Variants in SLC25A10 observed in about 807,000 individuals in gnomAD.
SLC25A10 encodes the protein solute carrier family 25 member 10, also known as mitochondrial dicarboxylate carrier.
Under a neutral mutation model 40.4 loss-of-function variants are expected in SLC25A10, and 32 were observed. That is an observed-to-expected ratio of 0.79 (90% CI 0.60 to 1.06). The LOEUF is 1.06. Ranked by LOEUF, SLC25A10 falls within the 50% of genes least tolerant of loss-of-function variation. The pLI is 0.00. For synonymous variants in SLC25A10, 181 were observed against 171.1 expected, an observed-to-expected ratio of 1.06 and a Z score of -0.45; for missense variants, 394 against 402.6, an observed-to-expected ratio of 0.98 and a Z score of 0.18.
intron 9 of SLC25A10, among the ~76,000 whole-genome samples, 180 bp from the exon 10 acceptor site, chr17:81,719,651 G>A (rs2037552361): frequency 6.6e-6 from 1 of 152,202 alleles, no homozygotes; most frequent in Non-Finnish European, 1.5e-5. Context: ...CCTGGCTGGT[G>A]CCTGCAGACC....
intron 9 of SLC25A10, 61 bp downstream of exon 9, chr17:81,717,922 C>CG: frequency 7.5e-7 from 1 of 1,331,628 alleles, no homozygotes; most frequent in Non-Finnish European, 1.1e-6. Flanking sequence ...CTCACCTCTC[C>CG]GGGGGGTGGA....
At chr17:81,719,184 C>T (rs926913109) in intron 9 of SLC25A10, among the ~76,000 whole-genome samples, 15 of 151,562 alleles carry the variant, frequency 9.9e-5, no homozygotes, top group East Asian at 2.0e-4. Flanking sequence ...CCGCTTGCCT[C>T]GGCCTCCCAA....
Position 81,712,351 on chromosome 17 carries a change from GGCGCTGCGGCCGGTAC to G in SLC25A10, c.-75_-60del. 1 of 990,886 alleles carries G rather than the reference GGCGCTGCGGCCGGTAC, an allele frequency of 1.0e-6. No individual in the cohort carries two copies. Among genetic ancestry groups the G allele is most frequent in the Non-Finnish European group, 1.3e-6 (1 of 779,258 alleles). 61.4% of individuals were successfully genotyped at this position (990,886 alleles called of 1,614,324 possible). On this transcript the variant is annotated 5_prime_UTR_variant, in exon 1 of 11. Transcript: ENST00000350690. ...ACCGGGCGCGGGGCGCGGGGCGCGG[GGCGCTGCGGCCGGTAC>G]ACGCCGGGGTAGGGCCGGGGTCGGG...
chr17:81,716,718 G>A lies in SLC25A10; in HGVS notation c.420-94G>A, dbSNP rs550313327. On this transcript the variant is annotated intron_variant, in intron 5 of 10. Transcript: ENST00000350690. ...AGGCCCATGAGGCCTCTGCTTCCTCGAGAACCCCCGGCCTGCCTCGGGGCC... is the reference window on the plus strand; with the variant it reads ...AGGCCCATGAGGCCTCTGCTTCCTCAAGAACCCCCGGCCTGCCTCGGGGCC... The A allele has an allele frequency of 8.8e-5, 118 of 1,348,146 alleles. No individual in the cohort carries two copies. The African/African-American group carries it at 1.2e-3, about 14-fold the overall frequency. The allele number at this position is 1,348,146 out of a possible 1,614,324, so 83.5% of individuals were successfully genotyped here. A position where few individuals can be genotyped will look rare whatever the true frequency, so the allele number is the denominator to read the frequency against.
At chr17:81,716,548 G>A (rs559182777) in intron 5 of SLC25A10, 99 of 575,522 alleles carry the variant, frequency 1.7e-4, no homozygotes, top group African/African-American at 1.1e-3. Context: ...GGGGGCTGGC[G>A]GGCAGGAGGC....
chr17:81,716,724 C>T, intron 5 of SLC25A10, 88 bp from the exon 6 acceptor site: 3 of 1,402,140 alleles, frequency 2.1e-6, no homozygotes, highest in Non-Finnish European at 3.0e-6. Flanking sequence ...CCTCGAGAAC[C>T]CCCGGCCTGC....
At chr17:81,717,326 C>T in intron 7 of SLC25A10, 73 bp from the exon 8 acceptor site, 6 of 1,454,096 alleles carry the variant, frequency 4.1e-6, no homozygotes, top group South Asian at 2.3e-5. Context: ...CAGGTGGTGT[C>T]GCCTGGGGCC....
rs563802741 is a variant in SLC25A10, at chr17:81,714,993, C to T, written c.134C>T (p.Thr45Met). Reference protein sequence around the residue: ...QTQQEVKLRMTGMALRVVRTD... With the variant: ...QTQQEVKLRMMGMALRVVRTD... ...CAGCAGGAGGTGAAGCTGCGCATGA[C>T]GGGCATGGCGCTGCGGGTGGTGCGT... The change falls in exon 2 of 11, where the codon ACG (threonine) becomes ATG (methionine). Residue 45 changes from threonine to methionine, a missense_variant. Coordinates refer to ENST00000350690, the MANE Select transcript of SLC25A10 (RefSeq NM_012140.5). 48 of 1,609,770 alleles carry T rather than the reference C, an allele frequency of 3.0e-5. No homozygotes were observed. Among genetic ancestry groups the T allele is most frequent in the African/African-American group, 5.3e-5 (4 of 75,016 alleles).
At chr17:81,717,559 G>A (rs2037512706) in intron 8 of SLC25A10, 68 bp downstream of exon 8, 1 of 1,561,464 alleles carries the variant, frequency 6.4e-7, no homozygotes, top group Non-Finnish European at 8.8e-7. Context: ...CACCCAGGAT[G>A]GGGCGAGGGC....
At chr17:81,716,725 C>G (rs1568230625) in intron 5 of SLC25A10, 87 bp from the exon 6 acceptor site, 6 of 1,410,772 alleles carry the variant, frequency 4.3e-6, no homozygotes, top group Non-Finnish European at 5.9e-6. Context: ...CTCGAGAACC[C>G]CCGGCCTGCC....
At position 81,715,388 on chromosome 17, in the gene SLC25A10, G is replaced by A. The variant is rs149357809; in HGVS notation, c.214-90G>A. ...CCCCTCAGGGTCCCTGTGGCCCCTC[G>A]GGCTGAGGGGGATCCCTGGCTGGGC... On this transcript the variant is annotated intron_variant, in intron 2 of 10. Coordinates refer to ENST00000350690, the MANE Select transcript of SLC25A10 (RefSeq NM_012140.5). 1,731 of 1,173,080 alleles carry A rather than the reference G, an allele frequency of 1.5e-3. 14 individuals carry two copies. In the African/African-American group the frequency reaches 0.02, roughly 13 times the overall value. 72.7% of individuals were successfully genotyped at this position (1,173,080 alleles called of 1,614,324 possible).
At chr17:81,719,698 CA>C in intron 9 of SLC25A10, 132 bp from the exon 10 acceptor site, 7 of 796,012 alleles carry the variant, frequency 8.8e-6, no homozygotes, top group Non-Finnish European at 4.0e-6. Flanking sequence ...CCGCCGCTCA[CA>C]CCCACACCCA....
chr17:81,712,322 T>G lies in SLC25A10; in HGVS notation c.-105T>G. 2.6e-6 allele frequency: 2 copies of G among 778,018 alleles called. No individual in the cohort carries two copies. The highest frequency in any genetic ancestry group is 1.7e-6 in the Non-Finnish European group (1 of 598,408). The allele number at this position is 778,018 out of a possible 1,614,324, so 48.2% of individuals were successfully genotyped here. A position where few individuals can be genotyped will look rare whatever the true frequency, so the allele number is the denominator to read the frequency against. ...GGGGTGCGGGCGCGCGGGCGGCGCT[T>G]TGAACCGGGCGCGGGGCGCGGGGCG... On this transcript the variant is annotated 5_prime_UTR_variant, in exon 1 of 11. Transcript: ENST00000350690.
chr17:81,719,121 CAG>C (rs1481254758), intron 9 of SLC25A10, among the ~76,000 whole-genome samples: 4 of 151,240 alleles, frequency 2.6e-5, no homozygotes, highest in African/African-American at 9.7e-5. Context: ...TTAGTAGAGA[CAG>C]GGTTTCACCA....
At position 81,714,958 on chromosome 17, in the gene SLC25A10, T is replaced by C. The variant is rs2037453866; in HGVS notation, c.99T>C (p.His33=). ...CTHPLDLLKV[H]LQTQQEVKLR... ...GAGAGCACTCACTCCCGCAGGTGCA[T>C]CTGCAGACGCAGCAGGAGGTGAAGC... The change falls in exon 2 of 11, where the codon CAT becomes CAC. Residue 33 remains histidine (H), a synonymous_variant. Coordinates refer to ENST00000350690, the MANE Select transcript of SLC25A10 (RefSeq NM_012140.5). The C allele has an allele frequency of 1.2e-6, 2 of 1,608,118 alleles. No individual in the cohort carries two copies. Among genetic ancestry groups the C allele is most frequent in the Non-Finnish European group, 1.7e-6 (2 of 1,179,876 alleles).
At chr17:81,718,842 A>G (rs1231459720) in intron 9 of SLC25A10, among the ~76,000 whole-genome samples, 16 of 142,454 alleles carry the variant, frequency 1.1e-4, no homozygotes, top group East Asian at 4.6e-4. Flanking sequence ...CCAGCTACTC[A>G]GGAGGCTGAG....
chr17:81,717,443 G>T lies in SLC25A10; in HGVS notation c.579G>T (p.Gly193=), dbSNP rs746469007. 5.6e-6 allele frequency: 9 copies of T among 1,613,650 alleles called. No individual in the cohort carries two copies. Among genetic ancestry groups the T allele is most frequent in the Middle Eastern group, 1.6e-4 (1 of 6,062 alleles). ...DQAKQLVLST[G]YLSDNIFTHF... ...CCAAGCAGCTGGTCCTTAGCACCGG[G>T]TACCTCTCTGACAACATCTTCACTC... is the stretch of plus-strand genomic sequence containing the variant. The change falls in exon 8 of 11, where the codon GGG becomes GGT. Residue 193 remains glycine (G), a synonymous_variant. Transcript: ENST00000350690.
In SLC25A10 at chr17:81,719,775, C is replaced by T. The variant is rs369315980; in HGVS notation, c.706-56C>T. The T allele has an allele frequency of 2.7e-4, 427 of 1,602,930 alleles. 1 individual carries two copies. The African/African-American group carries it at 4.8e-3, about 18-fold the overall frequency. On this transcript the variant is annotated intron_variant, in intron 9 of 10. Transcript: ENST00000350690. ...TGGCTGGTGCCTGGGAGGGGATTTTCGTTGCCTTTTGGGTGAGAAGCAGCC... is the reference window on the plus strand; with the variant it reads ...TGGCTGGTGCCTGGGAGGGGATTTTTGTTGCCTTTTGGGTGAGAAGCAGCC...
intron 1 of SLC25A10, among the ~76,000 whole-genome samples, chr17:81,714,298 C>T (rs1387096624): frequency 6.6e-6 from 1 of 152,216 alleles, no homozygotes; most frequent in Non-Finnish European, 1.5e-5. Context: ...TCTCAGCTGG[C>T]CAGGCGAGGA....
Sources: gnomAD v4.1 joint callset for allele counts (sites outside exome capture counted in the v4.1 genomes callset) on GRCh38, gnomAD v4.1.1 for gene constraint, MANE v1.5 for transcripts, NCBI Gene and HGNC (gene_info 2026-07-23, HGNC 2026-07-21) for gene names.